Variants in MARCHF1 observed in about 807,000 individuals in gnomAD.
MARCHF1 encodes the protein membrane associated ring-CH-type finger 1.
A neutral mutation model predicts 54.2 loss-of-function variants in MARCHF1; 40 were observed. That is an observed-to-expected ratio of 0.74 (90% CI 0.57 to 0.96). The LOEUF is 0.96. MARCHF1 is among the 40% of genes least tolerant of loss of function. MARCHF1 has a pLI of 0.00. For synonymous variants in MARCHF1, 236 were observed against 236.3 expected (o/e 1.00, Z 0.01); for missense variants, 586 against 656.5 (o/e 0.89, Z 1.17).
chr4:163,758,072 A>G (rs939537421), intron 4 of MARCHF1, among the ~76,000 whole-genome samples: 12 of 152,234 alleles, frequency 7.9e-5, no homozygotes, highest in Non-Finnish European at 1.3e-4. Context: ...TCATTTTTTA[A>G]TCCAGTAGTT....
chr4:164,220,012 G>A (rs1732045981), intron 1 of MARCHF1, among the ~76,000 whole-genome samples: 1 of 151,670 alleles, frequency 6.6e-6, no homozygotes, highest in African/African-American at 2.4e-5. Context: ...AAGACAATAG[G>A]TCACTTTGTA....
At chr4:164,004,014 T>G (rs982319250) in intron 2 of MARCHF1, among the ~76,000 whole-genome samples, 2 of 152,060 alleles carry the variant, frequency 1.3e-5, no homozygotes, top group African/African-American at 4.8e-5. Context: ...AAGCCATTAT[T>G]CTCAGCAAAC....
chr4:163,598,108 A>G (rs1414861038), intron 7 of MARCHF1, among the ~76,000 whole-genome samples: 1 of 152,198 alleles, frequency 6.6e-6, no homozygotes, highest in African/African-American at 2.4e-5. Flanking sequence ...GTATTCAGAC[A>G]TTCTATTTAG....
chr4:164,323,597 CAAAAAAA>C (rs70952622), intron 1 of MARCHF1, among the ~76,000 whole-genome samples: 4 of 30,928 alleles, frequency 1.3e-4, no homozygotes, highest in African/African-American at 1.6e-4. Flanking sequence ...GGATGAGTAG[CAAAAAAA>C]AAAAAAAAAA....
intron 4 of MARCHF1, among the ~76,000 whole-genome samples, chr4:163,751,436 C>T (rs1275917097): frequency 1.3e-5 from 2 of 150,932 alleles, no homozygotes; most frequent in East Asian, 3.9e-4. Context: ...GGGAATCAAA[C>T]CACCATTTTT....
At chr4:164,083,653 T>TA (rs1371943795) in intron 2 of MARCHF1, among the ~76,000 whole-genome samples, 1 of 152,146 alleles carries the variant, frequency 6.6e-6, no homozygotes, top group East Asian at 1.9e-4. Context: ...CCTCCAAATC[T>TA]ATGCTGCATC....
intron 4 of MARCHF1, among the ~76,000 whole-genome samples, chr4:163,820,560 C>G (rs112554999): frequency 1.3e-5 from 2 of 152,200 alleles, no homozygotes; most frequent in African/African-American, 2.4e-5. Flanking sequence ...CTAGTTACAT[C>G]TTACTTTGGA....
intron 2 of MARCHF1, among the ~76,000 whole-genome samples, chr4:164,054,866 C>G (rs1393789353): frequency 6.6e-6 from 1 of 150,752 alleles, no homozygotes; most frequent in Non-Finnish European, 1.5e-5. Flanking sequence ...CAGCATGGCA[C>G]ATGTATACAT....
chr4:163,784,616 C>A (rs1747565033), intron 4 of MARCHF1, among the ~76,000 whole-genome samples: 2 of 152,034 alleles, frequency 1.3e-5, no homozygotes, highest in South Asian at 4.1e-4. Context: ...ATTGATTCTA[C>A]CTATGCCATT....
At chr4:164,066,243 A>T (rs1754727109) in intron 2 of MARCHF1, among the ~76,000 whole-genome samples, 1 of 152,214 alleles carries the variant, frequency 6.6e-6, no homozygotes, top group South Asian at 2.1e-4. Flanking sequence ...GAAGACATAT[A>T]TGCAGCCAAC....
intron 3 of MARCHF1, among the ~76,000 whole-genome samples, chr4:163,966,614 A>G (rs968189874): frequency 2.0e-5 from 3 of 152,164 alleles, no homozygotes; most frequent in Non-Finnish European, 4.4e-5. Flanking sequence ...AAGCTAATAT[A>G]TTAGGGCTTT....
chr4:164,089,958 AT>A (rs1332380191), intron 2 of MARCHF1, among the ~76,000 whole-genome samples: 1 of 151,134 alleles, frequency 6.6e-6, no homozygotes, highest in East Asian at 1.9e-4. Context: ...TTCTTAGAAA[AT>A]TTTAATATAT....
intron 3 of MARCHF1, among the ~76,000 whole-genome samples, chr4:163,866,281 A>G (rs963890170): frequency 1.3e-5 from 2 of 151,182 alleles, no homozygotes. Flanking sequence ...TATAAAAACT[A>G]CACTCAGATA....
intron 1 of MARCHF1, among the ~76,000 whole-genome samples, chr4:164,327,123 G>C (rs1490387752): frequency 6.6e-6 from 1 of 151,930 alleles, no homozygotes; most frequent in Non-Finnish European, 1.5e-5. Context: ...TGCTATATTA[G>C]CACCTAGAAT....
intron 3 of MARCHF1, among the ~76,000 whole-genome samples, chr4:163,876,547 C>T (rs1200673010): frequency 1.3e-5 from 2 of 152,058 alleles, no homozygotes; most frequent in Non-Finnish European, 1.5e-5. Flanking sequence ...TGACATGCCA[C>T]TAAATTTTCC....
chr4:164,054,872 T>A (rs1454002605), intron 2 of MARCHF1, among the ~76,000 whole-genome samples: 1 of 151,472 alleles, frequency 6.6e-6, no homozygotes, highest in Admixed American at 6.6e-5. Context: ...GGCACATGTA[T>A]ACATATGTAA....
In MARCHF1 at chr4:164,308,125, A is replaced by C. The variant is rs546060882; in HGVS notation, c.-323+75745T>G. ...AAAATTTGCCTTTTTACCCAGAGCC[A>C]TGAGATCAAGCATTCTTTCAAAAAC... On this transcript the variant is annotated intron_variant, in intron 1 of 9. Coordinates refer to ENST00000514618, the MANE Select transcript of MARCHF1 (RefSeq NM_001394959.1). 2.6e-5 allele frequency among the ~76,000 whole-genome samples: 4 copies of C among 152,314 alleles called. No homozygotes were observed. The South Asian group carries it at 8.3e-4, about 32-fold the overall frequency.
At chr4:163,917,307 C>G (rs1213537966) in intron 3 of MARCHF1, among the ~76,000 whole-genome samples, 1 of 152,116 alleles carries the variant, frequency 6.6e-6, no homozygotes, top group East Asian at 1.9e-4. Context: ...ATTTGGTTTT[C>G]TAAGAACCTG....
intron 1 of MARCHF1, among the ~76,000 whole-genome samples, chr4:164,182,697 A>AT (rs1730865616): frequency 6.6e-6 from 1 of 152,026 alleles, no homozygotes; most frequent in African/African-American, 2.4e-5. Flanking sequence ...ATGATTCTAA[A>AT]TTAAAAAAAG....
Sources: allele counts gnomAD v4.1 joint callset (sites outside exome capture counted in the v4.1 genomes callset), GRCh38; gene constraint gnomAD v4.1.1; transcripts MANE v1.5; gene names NCBI Gene and HGNC (gene_info 2026-07-23, HGNC 2026-07-21).